The following MCC variants were observed in gnomAD, a reference collection of about 807,000 sequenced individuals.
The protein encoded by MCC is MCC regulator of Wnt signaling pathway.
MCC carries 90 observed loss-of-function variants against 116.2 expected under a neutral mutation model. The ratio of observed to expected loss-of-function variants is 0.77; its 90% CI spans 0.65 to 0.92. The LOEUF (loss-of-function observed/expected upper bound fraction) is 0.92. Ranked by LOEUF, MCC falls within the 40% of genes least tolerant of loss-of-function variation. The pLI is 0.00. For synonymous variants in MCC, 578 were observed against 510.5 expected, an observed-to-expected ratio of 1.13 and a Z score of -1.78; for missense variants, 1,516 against 1,312.2, an observed-to-expected ratio of 1.16 and a Z score of -2.40.
chr5:113,097,266 C>G (rs1270144897), intron 8 of MCC, among the ~76,000 whole-genome samples: 1 of 152,144 alleles, frequency 6.6e-6, no homozygotes, highest in Admixed American at 6.5e-5. Context: ...TCGCATACTT[C>G]CACTGCCCAG....
intron 1 of MCC, among the ~76,000 whole-genome samples, chr5:113,422,464 AG>A (rs1432880479): frequency 6.6e-6 from 1 of 152,242 alleles, no homozygotes; most frequent in Non-Finnish European, 1.5e-5. Flanking sequence ...TTTATGATTT[AG>A]TTTTTAACAA....
chr5:113,087,648 A>G (rs575263340), intron 8 of MCC, among the ~76,000 whole-genome samples: 9 of 152,290 alleles, frequency 5.9e-5, no homozygotes, highest in South Asian at 2.1e-4. Flanking sequence ...TTTACTGCTG[A>G]TGAGTCTGAT....
intron 3 of MCC, among the ~76,000 whole-genome samples, chr5:113,333,859 A>G (rs1324673876): frequency 1.4e-4 from 13 of 95,320 alleles, no homozygotes; most frequent in African/African-American, 4.5e-4. Flanking sequence ...ATGTACATAT[A>G]TGTATATATG....
At chr5:113,232,698 T>C (rs1164530437) in intron 3 of MCC, among the ~76,000 whole-genome samples, 1 of 152,158 alleles carries the variant, frequency 6.6e-6, no homozygotes, top group Non-Finnish European at 1.5e-5. Context: ...AACACAAGAA[T>C]ACAGAATTGC....
At chr5:113,230,995 T>C (rs1763920200) in intron 3 of MCC, among the ~76,000 whole-genome samples, 1 of 152,152 alleles carries the variant, frequency 6.6e-6, no homozygotes, top group Admixed American at 6.6e-5. Flanking sequence ...TACAGGAATT[T>C]CTTGGATTGT....
At chr5:113,100,993 G>C (rs958237687) in intron 8 of MCC, among the ~76,000 whole-genome samples, 2 of 152,190 alleles carry the variant, frequency 1.3e-5, no homozygotes, top group Non-Finnish European at 2.9e-5. Context: ...AAGTGCTTGT[G>C]GGTTCCTGGG....
At chr5:113,203,553 G>A (rs1471800429) in intron 3 of MCC, among the ~76,000 whole-genome samples, 1 of 152,000 alleles carries the variant, frequency 6.6e-6, no homozygotes, top group African/African-American at 2.4e-5. Flanking sequence ...CTCCCCGAGC[G>A]CATACTATTT....
chr5:113,033,875 T>C (rs1369695054), intron 17 of MCC, among the ~76,000 whole-genome samples: 2 of 152,148 alleles, frequency 1.3e-5, no homozygotes, highest in African/African-American at 2.4e-5. Context: ...CGTATGACTC[T>C]AACCGCAGAG....
At chr5:113,476,539 C>G (rs1209118592) in intron 1 of MCC, among the ~76,000 whole-genome samples, 1 of 152,156 alleles carries the variant, frequency 6.6e-6, no homozygotes, top group Admixed American at 6.5e-5. Flanking sequence ...CAAAAATTAA[C>G]TCAAGTGGAT....
intron 1 of MCC, among the ~76,000 whole-genome samples, chr5:113,445,057 C>T (rs915492578): frequency 6.6e-6 from 1 of 152,142 alleles, no homozygotes; most frequent in African/African-American, 2.4e-5. Context: ...AACCAGTAAC[C>T]CAGATACAGC....
At chr5:113,472,893 C>T (rs946098106) in intron 1 of MCC, among the ~76,000 whole-genome samples, 19 of 152,076 alleles carry the variant, frequency 1.2e-4, no homozygotes, top group Non-Finnish European at 2.6e-4. Context: ...GTGTGAAGCA[C>T]CGTATTTTGT....
In MCC at chr5:113,265,513, T is replaced by C. The variant is rs146948369; in HGVS notation, c.627+75006A>G. 1.8e-3 allele frequency among the ~76,000 whole-genome samples: 276 copies of C among 152,316 alleles called. 1 individual carries two copies. The highest frequency in any genetic ancestry group is 3.1e-3 in the Non-Finnish European group (211 of 68,028). ...TTCTAATAGGTCTTCACAGCAGCTC[T>C]AGAAATCTCAGGCTTCTTTTTTACC... On this transcript the variant is annotated intron_variant, in intron 3 of 18. Transcript: ENST00000408903.
At position 113,082,890 on chromosome 5, in the gene MCC, T is replaced by G; in HGVS notation, c.1754A>C (p.Glu585Ala). 1 of 1,614,162 alleles carries G rather than the reference T, an allele frequency of 6.2e-7. No individual in the cohort carries two copies. Among genetic ancestry groups the G allele is most frequent in the African/African-American group, 1.3e-5 (1 of 75,040 alleles). ...CAGCCGTTCTGTTTCCACCTCAAACTCTCTAATCTTGCTTTCTGAGATGGC... is the reference window on the plus strand; with the variant it reads ...CAGCCGTTCTGTTTCCACCTCAAACGCTCTAATCTTGCTTTCTGAGATGGC... Reference protein sequence around the residue: ...GSAISESKIREFEVETERLNS... With the variant: ...GSAISESKIRAFEVETERLNS... Residue 585 changes from glutamate (E) to alanine (A), a missense_variant, in exon 11 of 19, where the codon GAG becomes GCG. Coordinates refer to ENST00000408903, the MANE Select transcript of MCC (RefSeq NM_001085377.2).
intron 7 of MCC, among the ~76,000 whole-genome samples, chr5:113,102,530 G>C (rs1413933156): frequency 6.6e-6 from 1 of 152,210 alleles, no homozygotes; most frequent in Non-Finnish European, 1.5e-5. Context: ...ACACAGAAAA[G>C]AGGAAGCTCA....
chr5:113,412,609 G>A lies in MCC; in HGVS notation c.171-27397C>T, dbSNP rs890132340. 5.3e-5 allele frequency among the ~76,000 whole-genome samples: 8 copies of A among 152,232 alleles called. No individual in the cohort carries two copies. In the South Asian group the frequency reaches 1.0e-3, roughly 20 times the overall value. ...GTGTATAGGAATGCTTGTGATTTTT[G>A]CACACTGATTTTGTATACTGAGACG... On this transcript the variant is annotated intron_variant, in intron 1 of 18. Transcript: ENST00000408903.
chr5:113,462,338 G>A (rs1403083212), intron 1 of MCC, among the ~76,000 whole-genome samples: 1 of 152,176 alleles, frequency 6.6e-6, no homozygotes. Flanking sequence ...TTTCCGGGCT[G>A]CTTGTTTCAT....
rs111251307 is a variant in MCC, at chr5:113,198,132, G to A, written c.628-46710C>T. Among the ~76,000 whole-genome samples the A allele has an allele frequency of 8.7e-3, 1,331 of 152,282 alleles. 20 individuals are homozygous for A. The highest frequency in any genetic ancestry group is 0.03 in the African/African-American group (1,243 of 41,560). The stretch of plus-strand genomic sequence containing the variant: ...ATAAGTCTAGCATAAAGCAAGTCTC[G>A]TGCCACATACAGAAATGGTATCACC... On this transcript the variant is annotated intron_variant, in intron 3 of 18. Transcript: ENST00000408903.
chr5:113,297,238 C>T (rs1180582956), intron 3 of MCC, among the ~76,000 whole-genome samples: 2 of 152,106 alleles, frequency 1.3e-5, no homozygotes, highest in Non-Finnish European at 2.9e-5. Context: ...CATGGTGGCT[C>T]ATGCCTGTAA....
At chr5:113,291,241 T>G (rs1766483579) in intron 3 of MCC, among the ~76,000 whole-genome samples, 1 of 152,174 alleles carries the variant, frequency 6.6e-6, no homozygotes, top group South Asian at 2.1e-4. Context: ...TGTGTATCCC[T>G]CGCACACAAA....
Sources: allele counts gnomAD v4.1 joint callset (sites outside exome capture counted in the v4.1 genomes callset), GRCh38; gene constraint gnomAD v4.1.1; transcripts MANE v1.5; gene names NCBI Gene and HGNC (gene_info 2026-07-23, HGNC 2026-07-21).